TAB2: variants seen among roughly 807,000 people sequenced by gnomAD.
The protein encoded by TAB2 is TGF-beta activated kinase 1 (MAP3K7) binding protein 2, also known as TGF-beta-activated kinase 1 and MAP3K7-binding protein 2.
In TAB2, 3 loss-of-function variants were observed where a neutral mutation model predicts 65.0. The observed-to-expected ratio is 0.05, with a 90% CI of 0.02 to 0.12. The LOEUF (loss-of-function observed/expected upper bound fraction) is 0.12, where lower values mean the gene tolerates loss of function less well. Among genes scored for constraint, TAB2 ranks in the 10% least tolerant of loss-of-function variants. The pLI is 1.00. For missense variants in TAB2, 623 were observed against 840.3 expected (o/e 0.74, Z 3.20); for synonymous variants, 298 against 285.1 (o/e 1.05, Z -0.46).
intron 1 of TAB2, among the ~76,000 whole-genome samples, chr6:149,368,117 A>G (rs950598198): frequency 4.6e-5 from 7 of 152,188 alleles, no homozygotes; most frequent in Non-Finnish European, 7.4e-5. Flanking sequence ...CAACATTCAG[A>G]TGTCCAGAAA....
intron 1 of TAB2, among the ~76,000 whole-genome samples, chr6:149,355,543 T>C (rs993786907): frequency 2.0e-5 from 3 of 151,744 alleles, no homozygotes; most frequent in Non-Finnish European, 4.4e-5. Context: ...GGCAGGGACA[T>C]GTAATCCCAG....
chr6:149,280,740 A>G (rs1778558015), intron 1 of TAB2, among the ~76,000 whole-genome samples: 1 of 152,100 alleles, frequency 6.6e-6, no homozygotes, highest in African/African-American at 2.4e-5. Flanking sequence ...CAGGAGTTTG[A>G]GACCACCTGA....
intron 6 of TAB2, chr6:149,400,766 C>G (rs1583161653): frequency 1.4e-6 from 2 of 1,412,524 alleles, no homozygotes; most frequent in East Asian, 2.3e-5. Flanking sequence ...CAATTTGGTT[C>G]CACCACATTC....
intron 1 of TAB2, among the ~76,000 whole-genome samples, chr6:149,249,484 C>CTCTCTGTCTCTTTCTCTCTA (rs886898807): frequency 6.4e-4 from 97 of 151,850 alleles, no homozygotes; most frequent in South Asian, 4.2e-4. Context: ...CTCTCTGTCT[C>CTCTCTGTCTCTTTCTCTCTA]TCTCTGTCTC....
At chr6:149,364,224 A>G (rs1020326209) in intron 1 of TAB2, among the ~76,000 whole-genome samples, 1 of 152,144 alleles carries the variant, frequency 6.6e-6, no homozygotes, top group African/African-American at 2.4e-5. Context: ...TTTCTTGATC[A>G]TGTCACCTTT....
intron 1 of TAB2, among the ~76,000 whole-genome samples, chr6:149,344,552 G>A (rs1158325593): frequency 1.3e-5 from 2 of 152,160 alleles, no homozygotes; most frequent in Non-Finnish European, 2.9e-5. Flanking sequence ...AGTGTGCATA[G>A]AGAATAGTTG....
chr6:149,339,133 A>G (rs544981909), intron 1 of TAB2, among the ~76,000 whole-genome samples: 1 of 152,284 alleles, frequency 6.6e-6, no homozygotes, highest in East Asian at 1.9e-4. Flanking sequence ...TGGGAGGCCG[A>G]GACGGGCGGA....
intron 1 of TAB2, among the ~76,000 whole-genome samples, chr6:149,240,790 A>G (rs1370434437): frequency 6.6e-6 from 1 of 152,186 alleles, no homozygotes; most frequent in Non-Finnish European, 1.5e-5. Flanking sequence ...ATAAAATCAA[A>G]TGGCTATATT....
chr6:149,354,484 T>C (rs189973146), intron 1 of TAB2, among the ~76,000 whole-genome samples: 1 of 152,214 alleles, frequency 6.6e-6, no homozygotes, highest in African/African-American at 2.4e-5. Flanking sequence ...TTATTTTCAC[T>C]TTTTATTGAA....
chr6:149,407,118 G>C (rs805026), intron 6 of TAB2, among the ~76,000 whole-genome samples: 87,339 of 152,032 alleles, frequency 0.57, 25,938 homozygotes, highest in African/African-American at 0.72. Flanking sequence ...TACAGAGGAT[G>C]AGAGTGAGAT....
intron 1 of TAB2, among the ~76,000 whole-genome samples, chr6:149,275,300 G>GAAGGAAAA (rs1223068467): frequency 7.8e-6 from 1 of 128,302 alleles, no homozygotes; most frequent in Admixed American, 8.0e-5. Flanking sequence ...AAGAAAGAAA[G>GAAGGAAAA]AGAAAAAAGA....
intron 1 of TAB2, among the ~76,000 whole-genome samples, chr6:149,224,533 C>T (rs570181211): frequency 3.9e-4 from 59 of 152,242 alleles, no homozygotes; most frequent in Non-Finnish European, 7.4e-4. Flanking sequence ...TCCTGGTAAT[C>T]CTTGGTTTAG....
intron 1 of TAB2, among the ~76,000 whole-genome samples, chr6:149,337,058 C>T (rs751638462): frequency 6.6e-6 from 1 of 151,954 alleles, no homozygotes; most frequent in Non-Finnish European, 1.5e-5. Flanking sequence ...ATAGAAAAAG[C>T]ACAGATATTT....
chr6:149,368,643 ATTTGTG>A (rs767988986), intron 1 of TAB2, among the ~76,000 whole-genome samples: 1 of 109,124 alleles, frequency 9.2e-6, no homozygotes, highest in African/African-American at 3.9e-5. Flanking sequence ...GAATGCGAAA[ATTTGTG>A]TGTGTGTGTG....
At chr6:149,320,315 G>T (rs1284343854) in intron 1 of TAB2, among the ~76,000 whole-genome samples, 2 of 152,156 alleles carry the variant, frequency 1.3e-5, no homozygotes, top group African/African-American at 4.8e-5. Context: ...GACCTTAGGT[G>T]ATCCACCCGC....
At chr6:149,332,086 A>G (rs565652796) in intron 1 of TAB2, among the ~76,000 whole-genome samples, 136 of 152,286 alleles carry the variant, frequency 8.9e-4, no homozygotes, top group African/African-American at 3.0e-3. Context: ...GGCGCAAGCA[A>G]TTGGAAGTAT....
chr6:149,309,276 A>G (rs1004360383), intron 1 of TAB2, among the ~76,000 whole-genome samples: 2 of 152,188 alleles, frequency 1.3e-5, no homozygotes, highest in Admixed American at 1.3e-4. Context: ...ATGCTGTTTT[A>G]CATATGCTTT....
At chr6:149,310,872 C>T (rs1779154876) in intron 1 of TAB2, among the ~76,000 whole-genome samples, 3 of 152,158 alleles carry the variant, frequency 2.0e-5, no homozygotes, top group South Asian at 4.1e-4. Flanking sequence ...TCCCTCACCC[C>T]CTATTTTCCT....
intron 1 of TAB2, among the ~76,000 whole-genome samples, chr6:149,254,228 G>T (rs137891123): frequency 3.0e-4 from 45 of 152,292 alleles, no homozygotes; most frequent in East Asian, 2.7e-3. Context: ...ACCTCCAGGG[G>T]AATGAGCCTG....
Sources: allele counts gnomAD v4.1 joint callset (sites outside exome capture counted in the v4.1 genomes callset), GRCh38; gene constraint gnomAD v4.1.1; transcripts MANE v1.5; gene names NCBI Gene and HGNC (gene_info 2026-07-23, HGNC 2026-07-21).